ZFAND3: variants seen among roughly 807,000 people sequenced by gnomAD.
ZFAND3 encodes AN1-type zinc finger protein 3.
ZFAND3 carries 10 observed loss-of-function variants against 29.6 expected under a neutral mutation model. The ratio of observed to expected loss-of-function variants is 0.34; its 90% CI spans 0.21 to 0.57. The LOEUF is 0.57. Among genes scored for constraint, ZFAND3 ranks in the 20% least tolerant of loss-of-function variants. ZFAND3 has a pLI of 0.86. For synonymous variants in ZFAND3, 128 were observed against 112.6 expected, an observed-to-expected ratio of 1.14 and a Z score of -0.87; for missense variants, 230 against 304.5, an observed-to-expected ratio of 0.76 and a Z score of 1.82.
intron 1 of ZFAND3, among the ~76,000 whole-genome samples, chr6:37,891,415 G>T (rs1306842960): frequency 1.7e-5 from 2 of 114,388 alleles, no homozygotes; most frequent in East Asian, 2.7e-4. Context: ...GGAGATTTCA[G>T]TCCCCCCCCC....
intron 1 of ZFAND3, among the ~76,000 whole-genome samples, chr6:37,925,535 T>G (rs573555015): frequency 1.3e-4 from 20 of 152,198 alleles, no homozygotes; most frequent in Non-Finnish European, 2.8e-4. Context: ...AAAACCTGTC[T>G]CTACTAAAAA....
At chr6:37,921,607 G>A (rs962824270) in intron 1 of ZFAND3, among the ~76,000 whole-genome samples, 2 of 151,842 alleles carry the variant, frequency 1.3e-5, no homozygotes, top group Admixed American at 1.3e-4. Flanking sequence ...CCAGAAATTA[G>A]GACTGTTACT....
intron 5 of ZFAND3, among the ~76,000 whole-genome samples, chr6:38,136,531 G>T (rs1765844897): frequency 6.6e-6 from 1 of 152,216 alleles, no homozygotes; most frequent in Non-Finnish European, 1.5e-5. Flanking sequence ...CGGCAAGGGA[G>T]CTAGGGATGA....
intron 1 of ZFAND3, among the ~76,000 whole-genome samples, chr6:37,825,323 A>G (rs1403916603): frequency 2.0e-5 from 3 of 152,346 alleles, no homozygotes; most frequent in East Asian, 1.9e-4. Flanking sequence ...TAAACATTCT[A>G]TTAAAAAACA....
At chr6:37,993,827 A>G (rs1220446081) in intron 2 of ZFAND3, among the ~76,000 whole-genome samples, 1 of 151,846 alleles carries the variant, frequency 6.6e-6, no homozygotes. Context: ...ATTGGCTTAA[A>G]TGTACTTACA....
At chr6:38,009,019 A>G (rs926856601) in intron 2 of ZFAND3, among the ~76,000 whole-genome samples, 14 of 152,202 alleles carry the variant, frequency 9.2e-5, no homozygotes, top group Non-Finnish European at 1.8e-4. Context: ...ATTAGCTCCT[A>G]TACTAAAATT....
intron 2 of ZFAND3, among the ~76,000 whole-genome samples, chr6:37,953,674 A>G (rs1334185917): frequency 6.6e-6 from 1 of 151,930 alleles, no homozygotes; most frequent in Non-Finnish European, 1.5e-5. Flanking sequence ...CTGGTCTTGA[A>G]CTGCTGGGCT....
chr6:37,886,237 CAAAAAAAAAA>C (rs55661554), intron 1 of ZFAND3, among the ~76,000 whole-genome samples: 46 of 95,246 alleles, frequency 4.8e-4, no homozygotes, highest in African/African-American at 1.5e-3. Context: ...GACTCTGTCT[CAAAAAAAAAA>C]AAAAAAAAAA....
intron 5 of ZFAND3, among the ~76,000 whole-genome samples, chr6:38,131,144 C>T (rs1458832431): frequency 6.6e-6 from 1 of 152,052 alleles, no homozygotes; most frequent in African/African-American, 2.4e-5. Context: ...TCTGTGTTGT[C>T]AGTTGTAATC....
chr6:38,112,136 G>GACT lies in ZFAND3; in HGVS notation c.362-4435_362-4434insCTA, dbSNP rs539939710. ...TCTTGATCAGACTTTCCTTTGACTA[G>GACT]ATCTGATGTGATATCTTTCTCATTC... On this transcript the variant is annotated intron_variant, in intron 4 of 5. Transcript: ENST00000287218. Among the ~76,000 whole-genome samples the GACT allele has an allele frequency of 2.0e-4, 30 of 152,252 alleles. No individual in the cohort carries two copies. The East Asian group carries it at 5.8e-3, about 29-fold the overall frequency.
intron 1 of ZFAND3, among the ~76,000 whole-genome samples, chr6:37,896,699 T>TGTG (rs1765226672): frequency 6.6e-6 from 1 of 150,776 alleles, no homozygotes; most frequent in Non-Finnish European, 1.5e-5. Flanking sequence ...TGTGTGTGTG[T>TGTG]TTTAAATACC....
At chr6:38,033,466 G>A (rs1438486139) in intron 2 of ZFAND3, among the ~76,000 whole-genome samples, 2 of 151,960 alleles carry the variant, frequency 1.3e-5, no homozygotes, top group African/African-American at 4.8e-5. Context: ...CCTTCCCCTC[G>A]TCACCTCATT....
chr6:38,041,504 G>A (rs1310571039), intron 2 of ZFAND3, among the ~76,000 whole-genome samples: 1 of 151,156 alleles, frequency 6.6e-6, no homozygotes, highest in African/African-American at 2.4e-5. Context: ...TATTTAGTAA[G>A]CTATCCATTA....
At position 38,154,440 on chromosome 6, in the gene ZFAND3, G is replaced by A. The variant is rs2127500664; in HGVS notation, c.*2051G>A. 2 of 985,794 alleles carry A rather than the reference G, an allele frequency of 2.0e-6. No individual in the cohort carries two copies. Among genetic ancestry groups the A allele is most frequent in the South Asian group, 4.7e-5 (1 of 21,282 alleles). 61.1% of individuals were successfully genotyped at this position (985,794 alleles called of 1,614,324 possible). Reference sequence around the variant, plus strand: ...TTCTGTGAAGTTTGTTAAATGTAAGGAAAGCTTAAATTCTTGTATCTTTAA... The same window carrying A: ...TTCTGTGAAGTTTGTTAAATGTAAGAAAAGCTTAAATTCTTGTATCTTTAA... On this transcript the variant is annotated 3_prime_UTR_variant, in exon 6 of 6. Transcript: ENST00000287218.
Position 38,153,664 on chromosome 6 carries a change from A to C in ZFAND3, c.*1275A>C. The C allele has an allele frequency of 1.9e-5, 13 of 675,560 alleles. No homozygotes were observed. The highest frequency in any genetic ancestry group is 2.0e-5 in the Non-Finnish European group (11 of 549,494). The allele number at this position is 675,560 out of a possible 1,614,324, so 41.8% of individuals were successfully genotyped here. A position where few individuals can be genotyped will look rare whatever the true frequency, so the allele number is the denominator to read the frequency against. On this transcript the variant is annotated 3_prime_UTR_variant, in exon 6 of 6. Transcript: ENST00000287218. ...TTCAGCAGCTGCAACTGCGCACGCC[A>C]GGTGGGGAAGGGTGGGGGTGGGCCT...
intron 4 of ZFAND3, among the ~76,000 whole-genome samples, chr6:38,087,903 T>A (rs1764788628): frequency 6.6e-6 from 1 of 152,222 alleles, no homozygotes; most frequent in Non-Finnish European, 1.5e-5. Context: ...GCAGCACTAT[T>A]CACAATAGCT....
chr6:37,991,229 ATTT>A (rs1762753496), intron 2 of ZFAND3, among the ~76,000 whole-genome samples: 1 of 151,806 alleles, frequency 6.6e-6, no homozygotes. Context: ...TTGGACAGGC[ATTT>A]TCCCTCTGTG....
intron 2 of ZFAND3, among the ~76,000 whole-genome samples, chr6:38,061,348 A>C (rs1163689775): frequency 6.6e-6 from 1 of 152,172 alleles, no homozygotes; most frequent in Non-Finnish European, 1.5e-5. Context: ...TTTGCACAGA[A>C]TGTTAAAATC....
intron 2 of ZFAND3, among the ~76,000 whole-genome samples, chr6:38,040,797 AC>A (rs1763745075): frequency 6.6e-6 from 1 of 152,244 alleles, no homozygotes; most frequent in African/African-American, 2.4e-5. Context: ...TTTCATGTAT[AC>A]TAAGAACAAG....
Sources: gnomAD v4.1 joint callset for allele counts (sites outside exome capture counted in the v4.1 genomes callset) on GRCh38, gnomAD v4.1.1 for gene constraint, MANE v1.5 for transcripts, NCBI Gene and HGNC (gene_info 2026-07-23, HGNC 2026-07-21) for gene names.